Variants in CFAP20DC observed in about 807,000 individuals in gnomAD.
CFAP20DC encodes CFAP20 domain containing, also known as protein CFAP20DC.
A neutral mutation model predicts 101.7 loss-of-function variants in CFAP20DC; 84 were observed. That is an observed-to-expected ratio of 0.83 (90% CI 0.69 to 0.99). CFAP20DC has a LOEUF of 0.99. CFAP20DC is among the 50% of genes least tolerant of loss of function. CFAP20DC has a pLI of 0.00. For synonymous variants in CFAP20DC, 359 were observed against 351.2 expected (o/e 1.02, Z -0.25); for missense variants, 1,007 against 970.3 (o/e 1.04, Z -0.50).
At chr3:58,773,381 T>C (rs910558155) in intron 15 of CFAP20DC, among the ~76,000 whole-genome samples, 1 of 145,944 alleles carries the variant, frequency 6.9e-6, no homozygotes, top group African/African-American at 2.5e-5. Context: ...TGAGACCTCA[T>C]CTCTAGCAAA....
At chr3:58,967,628 A>G (rs1466063944) in intron 4 of CFAP20DC, among the ~76,000 whole-genome samples, 1 of 152,224 alleles carries the variant, frequency 6.6e-6, no homozygotes, top group African/African-American at 2.4e-5. Context: ...GGTATAGTAC[A>G]TAGAATAGAT....
At chr3:58,959,255 C>A (rs897575589) in intron 4 of CFAP20DC, among the ~76,000 whole-genome samples, 1 of 152,070 alleles carries the variant, frequency 6.6e-6, no homozygotes, top group Non-Finnish European at 1.5e-5. Flanking sequence ...CCACCATGCC[C>A]GGCTAATTTT....
intron 13 of CFAP20DC, among the ~76,000 whole-genome samples, chr3:58,835,951 T>A (rs2076707949): frequency 6.6e-6 from 1 of 152,188 alleles, no homozygotes; most frequent in Non-Finnish European, 1.5e-5. Flanking sequence ...ATAATTCAAT[T>A]TCATCTCAAA....
chr3:58,802,814 T>G (rs2073805164), intron 15 of CFAP20DC, among the ~76,000 whole-genome samples: 1 of 152,132 alleles, frequency 6.6e-6, no homozygotes, highest in African/African-American at 2.4e-5. Context: ...AAACCCAAAT[T>G]TGCCTGCTTA....
rs571741700 is a variant in CFAP20DC, at chr3:59,040,789, T to C, written c.206-1160A>G. Among the ~76,000 whole-genome samples, 49 of 152,188 alleles carry C rather than the reference T, an allele frequency of 3.2e-4. No homozygotes were observed. In the South Asian group the frequency reaches 0.01, roughly 32 times the overall value. ...TCCTATGTTTTATCCCAGATTTACA[T>C]TCTAAACAATAAACATATTTGATCA... On this transcript the variant is annotated intron_variant, in intron 3 of 16. Transcript: ENST00000482387.
At chr3:58,851,121 T>A (rs1029369608) in intron 12 of CFAP20DC, among the ~76,000 whole-genome samples, 2 of 152,158 alleles carry the variant, frequency 1.3e-5, no homozygotes, top group African/African-American at 4.8e-5. Context: ...CGGAATGTAA[T>A]GATAGACCAG....
At chr3:58,860,199 G>GA (rs2079137765) in intron 12 of CFAP20DC, among the ~76,000 whole-genome samples, 2 of 137,838 alleles carry the variant, frequency 1.5e-5, no homozygotes, top group South Asian at 2.3e-4. Flanking sequence ...AAAAAAGAAA[G>GA]AAAAAAGAAA....
In CFAP20DC at chr3:59,002,371, A is replaced by G. The variant is rs1014195017; in HGVS notation, c.278+37186T>C. On this transcript the variant is annotated intron_variant, in intron 4 of 16. Transcript: ENST00000482387. The surrounding 1 kb of genome is among the most constrained non-coding windows in gnomAD (Gnocchi z 4.5). ...ATCATTTGGAAAAATTAATGCTTCT[A>G]AATGGCATAACCAAAATGACTTTAT... Among the ~76,000 whole-genome samples the G allele has an allele frequency of 1.3e-5, 2 of 152,228 alleles. No individual in the cohort carries two copies. Among genetic ancestry groups the G allele is most frequent in the Non-Finnish European group, 2.9e-5 (2 of 68,038 alleles).
Position 58,971,549 on chromosome 3 carries a change from A to G in CFAP20DC, c.279-33787T>C, listed in dbSNP as rs2091950289. Among the ~76,000 whole-genome samples the G allele has an allele frequency of 6.6e-6, 1 of 152,078 alleles. No individual in the cohort carries two copies. The highest frequency in any genetic ancestry group is 1.5e-5 in the Non-Finnish European group (1 of 68,018). ...TTTCATTTTTACACGAAAATCTCAC[A>G]CATATTTAAATAGAGGACATTTCAC... On this transcript the variant is annotated intron_variant, in intron 4 of 16. Coordinates refer to ENST00000482387, the MANE Select transcript of CFAP20DC (RefSeq NM_001394063.1). This position sits in a 1 kb window ranked among gnomAD's most constrained non-coding sequence, Gnocchi z 4.1.
rs189745716 is a variant in CFAP20DC at position 58,897,176 on chromosome 3, C to T, written c.551-12467G>A. On this transcript the variant is annotated intron_variant, in intron 6 of 16. Coordinates refer to ENST00000482387, the MANE Select transcript of CFAP20DC (RefSeq NM_001394063.1). The surrounding 1 kb of genome is among the most constrained non-coding windows in gnomAD (Gnocchi z 4.4). ...TTTTTGATATTTGTTGGTTTAAAGTCTATTTGTCAGAAACTAGGATTGCAA... is the reference window on the plus strand; with the variant it reads ...TTTTTGATATTTGTTGGTTTAAAGTTTATTTGTCAGAAACTAGGATTGCAA... Among the ~76,000 whole-genome samples, 188 of 152,216 alleles carry T rather than the reference C, an allele frequency of 1.2e-3. No homozygotes were observed. Among genetic ancestry groups the T allele is most frequent in the African/African-American group, 4.3e-3 (178 of 41,528 alleles).
intron 4 of CFAP20DC, among the ~76,000 whole-genome samples, chr3:58,977,984 C>G (rs2092351711): frequency 6.6e-6 from 1 of 152,154 alleles, no homozygotes; most frequent in African/African-American, 2.4e-5. Flanking sequence ...GCCCCTTCCT[C>G]TCAGGAACTG....
chr3:58,865,218 A>G (rs1396619568), intron 11 of CFAP20DC, among the ~76,000 whole-genome samples: 1 of 152,146 alleles, frequency 6.6e-6, no homozygotes, highest in East Asian at 1.9e-4. Context: ...TCACAATAAA[A>G]GTAACCAAGA....
rs2079253514 is a variant in CFAP20DC at position 58,861,618 on chromosome 3, G to C, written c.1593+1940C>G. ...TTAAATATAGCCTAGCATTTTTGTT[G>C]GTCCTATTTTTGTATCTTAGCTTGT... On this transcript the variant is annotated intron_variant, in intron 12 of 16. Transcript: ENST00000482387. This position sits in a 1 kb window ranked among gnomAD's most constrained non-coding sequence, Gnocchi z 4.0. 1 of 985,132 alleles carries C rather than the reference G, an allele frequency of 1.0e-6. No individual in the cohort carries two copies. The highest frequency in any genetic ancestry group is 4.7e-5 in the South Asian group (1 of 21,284). 61.0% of individuals were successfully genotyped at this position (985,132 alleles called of 1,614,324 possible).
chr3:58,806,513 C>T (rs2074069623), intron 14 of CFAP20DC, 57 bp from the exon 15 acceptor site: 20 of 1,197,208 alleles, frequency 1.7e-5, no homozygotes, highest in African/African-American at 3.0e-5. Context: ...TTTACATAGA[C>T]ATTCACATGC....
intron 4 of CFAP20DC, among the ~76,000 whole-genome samples, chr3:58,955,082 TA>T (rs1209712242): frequency 6.6e-6 from 1 of 152,114 alleles, no homozygotes; most frequent in Non-Finnish European, 1.5e-5. Flanking sequence ...TTAGTATATT[TA>T]AGGACTTATG....
chr3:58,812,219 G>T (rs2074704939), intron 14 of CFAP20DC, among the ~76,000 whole-genome samples: 1 of 152,028 alleles, frequency 6.6e-6, no homozygotes, highest in Non-Finnish European at 1.5e-5. Context: ...ATACCCAAAG[G>T]ACTATAAATC....
At chr3:58,937,588 C>T in intron 5 of CFAP20DC, 60 bp downstream of exon 5, 1 of 1,037,102 alleles carries the variant, frequency 9.6e-7, no homozygotes, top group Non-Finnish European at 1.5e-6. Context: ...GGAGTCAGCC[C>T]ATAAGTAATA....
intron 15 of CFAP20DC, among the ~76,000 whole-genome samples, chr3:58,778,416 T>C (rs375448371): frequency 2.6e-4 from 40 of 152,270 alleles, no homozygotes; most frequent in African/African-American, 9.4e-4. Flanking sequence ...TACCTGCTGC[T>C]ACCACAACAG....
chr3:58,718,707 G>A (rs551325209), intron 3 of CFAP20DC, among the ~76,000 whole-genome samples: 5 of 152,292 alleles, frequency 3.3e-5, no homozygotes, highest in African/African-American at 1.2e-4. Flanking sequence ...CTGAAGAGGT[G>A]GGTACCCCAT....
Sources: gnomAD v4.1 joint callset for allele counts (sites outside exome capture counted in the v4.1 genomes callset) on GRCh38, gnomAD v4.1.1 for gene constraint, Gnocchi (gnomAD v3.1) non-coding constraint, MANE v1.5 for transcripts, NCBI Gene and HGNC (gene_info 2026-07-23, HGNC 2026-07-21) for gene names.